The following ASB15 variants were observed in gnomAD, a reference collection of about 807,000 sequenced individuals.
ASB15 encodes ankyrin repeat and SOCS box protein 15.
In ASB15, 54 loss-of-function variants were observed where a neutral mutation model predicts 58.0. That is an observed-to-expected ratio of 0.93 (90% CI 0.75 to 1.17). The LOEUF is 1.17. Ranked by LOEUF, ASB15 falls within the 50% of genes most tolerant of loss-of-function variation. ASB15 has a pLI of 0.00. For synonymous variants in ASB15, 249 were observed against 262.4 expected (o/e 0.95, Z 0.50); for missense variants, 680 against 707.4 (o/e 0.96, Z 0.44).
At chr7:123,635,090 T>C (rs1175778858) in intron 11 of ASB15, among the ~76,000 whole-genome samples, 1 of 152,302 alleles carries the variant, frequency 6.6e-6, no homozygotes, top group Non-Finnish European at 1.5e-5. Flanking sequence ...TTAAAGGACA[T>C]AGCAAAAATT....
intron 1 of ASB15, among the ~76,000 whole-genome samples, chr7:123,579,635 G>A (rs1258150133): frequency 6.6e-6 from 1 of 152,008 alleles, no homozygotes; most frequent in East Asian, 1.9e-4. Context: ...AACATGCCTG[G>A]TACCTTGGGA....
chr7:123,601,130 C>T (rs1292584818), upstream of ASB15, among the ~76,000 whole-genome samples: 1 of 152,076 alleles, frequency 6.6e-6, no homozygotes, highest in Admixed American at 6.6e-5. Flanking sequence ...CCAAGGATAG[C>T]TGTGTCAAAA....
At chr7:123,574,980 C>T (rs1447595442) in intron 1 of ASB15, among the ~76,000 whole-genome samples, 1 of 151,550 alleles carries the variant, frequency 6.6e-6, no homozygotes, top group Non-Finnish European at 1.5e-5. Context: ...TGTAAGACTC[C>T]ACCATGAATA....
chr7:123,569,412 G>A (rs1310932110), intron 1 of ASB15, among the ~76,000 whole-genome samples: 1 of 152,170 alleles, frequency 6.6e-6, no homozygotes, highest in Non-Finnish European at 1.5e-5. Flanking sequence ...CAAAAAAAAG[G>A]CCAACATAAT....
At chr7:123,568,524 GA>G (rs986950221) in intron 1 of ASB15, among the ~76,000 whole-genome samples, 1,227 of 87,534 alleles carry the variant, frequency 0.014, 5 homozygotes, top group Admixed American at 0.02. Flanking sequence ...TCCATCTCAA[GA>G]AAAAAAAAAA....
chr7:123,624,477 C>A, intron 7 of ASB15, 92 bp from the exon 8 acceptor site: 1 of 1,245,000 alleles, frequency 8.0e-7, no homozygotes, highest in Non-Finnish European at 1.1e-6. Context: ...TAGCTAGTAT[C>A]TATTTCAATA....
Position 123,615,141 on chromosome 7 carries a change from A to G in ASB15, c.107+532A>G, listed in dbSNP as rs143912068. 7.9e-5 allele frequency among the ~76,000 whole-genome samples: 12 copies of G among 152,312 alleles called. No homozygotes were observed. The East Asian group carries it at 2.3e-3, about 29-fold the overall frequency. ...TTCTATATGGCAAAGTAATATACAA[A>G]CTACCACCTATTTGATTATCTACTA... On this transcript the variant is annotated intron_variant, in intron 4 of 11. Coordinates refer to ENST00000451215, the MANE Select transcript of ASB15 (RefSeq NM_001290258.2).
At chr7:123,610,543 A>C (rs1296358061) in intron 3 of ASB15, among the ~76,000 whole-genome samples, 1 of 152,224 alleles carries the variant, frequency 6.6e-6, no homozygotes, top group African/African-American at 2.4e-5. Context: ...GCATTTAGGA[A>C]TCCTTAATTC....
intron 8 of ASB15, chr7:123,625,051 C>A (rs902747564): frequency 3.7e-5 from 18 of 486,614 alleles, no homozygotes; most frequent in African/African-American, 1.7e-4. Context: ...ATTGCTCTCT[C>A]GAGAGACAGT....
chr7:123,603,782 A>G (rs973540326), intron 1 of ASB15, among the ~76,000 whole-genome samples: 1 of 152,216 alleles, frequency 6.6e-6, no homozygotes, highest in African/African-American at 2.4e-5. Flanking sequence ...TCCTGCATAC[A>G]ATTGCACAGA....
At chr7:123,628,534 T>C (rs1801939641) in intron 9 of ASB15, among the ~76,000 whole-genome samples, 1 of 152,200 alleles carries the variant, frequency 6.6e-6, no homozygotes, top group Non-Finnish European at 1.5e-5. Flanking sequence ...TTTTTAAAAA[T>C]AGTATTGGTT....
chr7:123,592,379 G>A (rs1016172539), intron 1 of ASB15, among the ~76,000 whole-genome samples: 13 of 151,952 alleles, frequency 8.6e-5, no homozygotes, highest in African/African-American at 3.1e-4. Context: ...GTGATGTTAG[G>A]GTGATTATTT....
Position 123,629,026 on chromosome 7 carries a change from G to C in ASB15, c.1032G>C (p.Gln344His). The change falls in exon 10 of 12, where the codon CAG (glutamine) becomes CAC (histidine). Residue 344 changes from glutamine to histidine, a missense_variant. Coordinates refer to ENST00000451215, the MANE Select transcript of ASB15 (RefSeq NM_001290258.2). ...VNTLLADHIS[Q>H]SYDDERKTAL... The stretch of plus-strand genomic sequence containing the variant: ...CTCTACTTGCTGACCACATTTCCCA[G>C]AGCTATGACGATGAGAGGAAGACTG... 6.2e-7 allele frequency: 1 copy of C among 1,613,802 alleles called. No homozygotes were observed. Among genetic ancestry groups the C allele is most frequent in the Non-Finnish European group, 8.5e-7 (1 of 1,179,858 alleles).
At chr7:123,627,356 TATGTA>T in intron 9 of ASB15, 75 bp downstream of exon 9, 1 of 1,184,536 alleles carries the variant, frequency 8.4e-7, no homozygotes, top group South Asian at 2.2e-5. Flanking sequence ...CACAAGTCTA[TATGTA>T]ATACCTTTCA....
intron 1 of ASB15, among the ~76,000 whole-genome samples, chr7:123,593,862 C>T (rs539823527): frequency 6.6e-6 from 1 of 152,282 alleles, no homozygotes; most frequent in South Asian, 2.1e-4. Context: ...TGGATAATAG[C>T]CTGAAGAGTG....
At chr7:123,606,288 C>T (rs760285574) in intron 2 of ASB15, among the ~76,000 whole-genome samples, 22 of 152,130 alleles carry the variant, frequency 1.4e-4, no homozygotes, top group Non-Finnish European at 2.5e-4. Context: ...CTCCTTCCCA[C>T]GCCAAGAAAC....
chr7:123,618,234 A>C (rs913873602), intron 7 of ASB15, among the ~76,000 whole-genome samples: 1 of 152,222 alleles, frequency 6.6e-6, no homozygotes, highest in African/African-American at 2.4e-5. Context: ...GAAGAATGGG[A>C]AATCTGAAGG....
intron 1 of ASB15, among the ~76,000 whole-genome samples, chr7:123,590,079 A>G (rs1452837115): frequency 1.3e-5 from 2 of 152,080 alleles, no homozygotes; most frequent in Admixed American, 1.3e-4. Context: ...AGTGATGGTG[A>G]GCATTTCTTC....
At chr7:123,608,443 T>C (rs182555064) in intron 2 of ASB15, among the ~76,000 whole-genome samples, 151 bp from the exon 3 acceptor site, 4 of 152,342 alleles carry the variant, frequency 2.6e-5, no homozygotes, top group Admixed American at 2.6e-4. Context: ...AAATGTTGAG[T>C]TGTGTTTCTT....
Sources: gnomAD v4.1 joint callset for allele counts (sites outside exome capture counted in the v4.1 genomes callset) on GRCh38, gnomAD v4.1.1 for gene constraint, MANE v1.5 for transcripts, NCBI Gene and HGNC (gene_info 2026-07-23, HGNC 2026-07-21) for gene names.